Variants in CABLES2 observed in about 807,000 individuals in gnomAD.
CABLES2 encodes Cdk5 and Abl enzyme substrate 2, also known as CDK5 and ABL1 enzyme substrate 2.
CABLES2 carries 35 observed loss-of-function variants against 44.8 expected under a neutral mutation model. The observed-to-expected ratio is 0.78, with a 90% confidence interval of 0.60 to 1.04. The LOEUF is 1.04. CABLES2 is among the 50% of genes least tolerant of loss of function. CABLES2 has a pLI of 0.00. For synonymous variants in CABLES2, 282 were observed against 281.1 expected (o/e 1.00, Z -0.03); for missense variants, 566 against 615.7 (o/e 0.92, Z 0.85).
chr20:62,396,679 G>A lies in CABLES2; in HGVS notation c.363-87C>T, dbSNP rs1988027896. On this transcript the variant is annotated intron_variant, in intron 1 of 9. Transcript: ENST00000279101. This position sits in a 1 kb window ranked among gnomAD's most constrained non-coding sequence, Gnocchi z 5.7. ...GAAACCGAGTGCCGCCCGCTGTGCA[G>A]GGAAGGGCCACTCTCCAGCCCAGCG... is the stretch of plus-strand genomic sequence containing the variant. 1.5e-6 allele frequency: 2 copies of A among 1,366,698 alleles called. No homozygotes were observed. Among genetic ancestry groups the A allele is most frequent in the Admixed American group, 3.9e-5 (2 of 50,792 alleles). 84.7% of individuals were successfully genotyped at this position (1,366,698 alleles called of 1,614,324 possible).
chr20:62,394,101 C>A lies in CABLES2; in HGVS notation c.714+56G>T. Reference sequence around the variant, plus strand: ...GTGGGCACTGACGTGGGACTGCTCCCACCCGCCTGCCTGGCCCTGACGGCG... The same window carrying A: ...GTGGGCACTGACGTGGGACTGCTCCAACCCGCCTGCCTGGCCCTGACGGCG... On this transcript the variant is annotated intron_variant, in intron 5 of 9. Coordinates refer to ENST00000279101, the MANE Select transcript of CABLES2 (RefSeq NM_031215.3). The A allele has an allele frequency of 2.1e-6, 3 of 1,414,356 alleles. No homozygotes were observed. The South Asian group carries it at 3.4e-5, about 16-fold the overall frequency. The allele number at this position is 1,414,356 out of a possible 1,614,324, so 87.6% of individuals were successfully genotyped here. A position where few individuals can be genotyped will look rare whatever the true frequency, so the allele number is the denominator to read the frequency against.
chr20:62,396,387 G>A lies in CABLES2; in HGVS notation c.455C>T (p.Ser152Leu). ...PAQRTKHTSG[S>L]PRHKGLKKTH... ...CTTCTTCAGGCCTTTATGTCTCGGT[G>A]ATCCAGATGTGTGTTTGGTTCTGCA... Residue 152 changes from serine (S) to leucine (L), a missense_variant, in exon 3 of 10, where the codon TCA becomes TTA. This residue lies in a region of CABLES2 where 436 missense variants were observed against 536.3 expected (regional missense o/e 0.81). Coordinates refer to ENST00000279101, the MANE Select transcript of CABLES2 (RefSeq NM_031215.3). The surrounding 1 kb of genome is among the most constrained non-coding windows in gnomAD (Gnocchi z 5.7). 6.2e-7 allele frequency: 1 copy of A among 1,614,030 alleles called. No homozygotes were observed. The highest frequency in any genetic ancestry group is 8.5e-7 in the Non-Finnish European group (1 of 1,179,986).
At chr20:62,394,307 A>C in intron 4 of CABLES2, 42 bp from the exon 5 acceptor site, 1 of 1,542,556 alleles carries the variant, frequency 6.5e-7, no homozygotes, top group Non-Finnish European at 8.9e-7. Flanking sequence ...TCTGCGCTGA[A>C]CTCAGGCTCT....
chr20:62,397,938 A>ATGGTGG (rs1555890674), intron 1 of CABLES2, among the ~76,000 whole-genome samples: 6 of 63,622 alleles, frequency 9.4e-5, no homozygotes, highest in East Asian at 5.6e-4. Flanking sequence ...GGTGGTGGTG[A>ATGGTGG]TGGTGGTGAC....
chr20:62,398,859 G>A (rs551895614), intron 1 of CABLES2, among the ~76,000 whole-genome samples: 3 of 152,390 alleles, frequency 2.0e-5, no homozygotes, highest in South Asian at 4.1e-4. Context: ...CAAGTGGTAC[G>A]GAGAGGCCTG....
Position 62,391,254 on chromosome 20 carries a change from T to A in CABLES2, c.1291A>T (p.Ile431Phe), listed in dbSNP as rs747757270. 6.2e-7 allele frequency: 1 copy of A among 1,607,266 alleles called. No individual in the cohort carries two copies. Among genetic ancestry groups the A allele is most frequent in the Admixed American group, 1.7e-5 (1 of 59,950 alleles). ...DLRKSGVTQL[I>F]DKLEERFRFN... ...CTGCCGAGCCGGGCACTCACATCGA[T>A]GAGCTGCGTCACGCCGCTCTTGCGC... Residue 431 changes from isoleucine to phenylalanine, a missense_variant, in exon 9 of 10, where the codon ATC becomes TTC. Physicochemically the swap from Ile to Phe is conservative, Grantham distance 21. Coordinates refer to ENST00000279101, the MANE Select transcript of CABLES2 (RefSeq NM_031215.3). The surrounding 1 kb of genome is among the most constrained non-coding windows in gnomAD (Gnocchi z 5.7).
At chr20:62,398,095 T>G (rs1202413387) in intron 1 of CABLES2, among the ~76,000 whole-genome samples, 1 of 136,466 alleles carries the variant, frequency 7.3e-6, no homozygotes, top group Non-Finnish European at 1.6e-5. Flanking sequence ...GTGACGGTGG[T>G]GGTGGTGGTG....
At chr20:62,398,004 A>ACGG (rs1555890716) in intron 1 of CABLES2, among the ~76,000 whole-genome samples, 4 of 62,208 alleles carry the variant, frequency 6.4e-5, no homozygotes, top group African/African-American at 1.5e-4. Flanking sequence ...GATGATGGTG[A>ACGG]TGGTTATGGC....
chr20:62,400,749 G>C (rs1988173842), intron 1 of CABLES2, among the ~76,000 whole-genome samples: 1 of 152,218 alleles, frequency 6.6e-6, no homozygotes, highest in Non-Finnish European at 1.5e-5. Context: ...CCAGGACGCA[G>C]AGGAGCTGCA....
intron 1 of CABLES2, among the ~76,000 whole-genome samples, chr20:62,398,514 G>C (rs1401704742): frequency 2.6e-5 from 4 of 152,202 alleles, no homozygotes; most frequent in Admixed American, 2.0e-4. Context: ...TCCGGGCCAA[G>C]GGCAGGTGTA....
intron 4 of CABLES2, 112 bp from the exon 5 acceptor site, chr20:62,394,377 C>A (rs1368806096): frequency 7.7e-6 from 6 of 778,850 alleles, no homozygotes; most frequent in South Asian, 1.5e-5. Context: ...GTCAGCACAG[C>A]CCCTCGGGAA....
Position 62,396,558 on chromosome 20 carries a change from A to G in CABLES2, c.397T>C (p.Phe133Leu). The change falls in exon 2 of 10, where the codon TTT becomes CTT. Residue 133 changes from phenylalanine to leucine, a missense_variant. Phe to Leu is a conservative substitution (Grantham distance 22, BLOSUM62 0). Coordinates refer to ENST00000279101, the MANE Select transcript of CABLES2 (RefSeq NM_031215.3). This position sits in a 1 kb window ranked among gnomAD's most constrained non-coding sequence, Gnocchi z 5.7. ...RVTSQRCSLEFLEDAVGCAPA... is the reference protein window; with the variant it reads ...RVTSQRCSLELLEDAVGCAPA... The stretch of plus-strand genomic sequence containing the variant: ...GCGCATCCCACGGCATCTTCCAGAA[A>G]CTCCAGGGAGCAGCGCTGGGACGTG... 6.2e-7 allele frequency: 1 copy of G among 1,612,230 alleles called. No homozygotes were observed. The highest frequency in any genetic ancestry group is 1.3e-5 in the African/African-American group (1 of 74,456).
At chr20:62,406,682 ACAG>A (rs1473907751) in intron 1 of CABLES2, among the ~76,000 whole-genome samples, 1 of 40,750 alleles carries the variant, frequency 2.5e-5, no homozygotes, top group Non-Finnish European at 4.9e-5. Context: ...TCCTGGGTTG[ACAG>A]GGGCTCAGGT....
Position 62,390,234 on chromosome 20 carries a change from T to C in CABLES2, c.*737A>G, listed in dbSNP as rs1374248579. 3.3e-5 allele frequency: 5 copies of C among 152,540 alleles called. No homozygotes were observed. Among genetic ancestry groups the C allele is most frequent in the Non-Finnish European group, 5.9e-5 (4 of 68,070 alleles). 9.4% of individuals were successfully genotyped at this position (152,540 alleles called of 1,614,324 possible). On this transcript the variant is annotated 3_prime_UTR_variant, in exon 10 of 10. Coordinates refer to ENST00000279101, the MANE Select transcript of CABLES2 (RefSeq NM_031215.3). ...GGATGGGCAGCTGTCTGTTGTGCCG[T>C]CGGTCTGTAGGACACAGGGGCGTTA...
rs1462335330 is a variant in CABLES2 at position 62,388,680 on chromosome 20, CAG to C, written c.*2289_*2290del. 6 of 595,910 alleles carry C rather than the reference CAG, an allele frequency of 1.0e-5. No individual in the cohort carries two copies. Among genetic ancestry groups the C allele is most frequent in the African/African-American group, 5.6e-5 (3 of 53,750 alleles). The allele number at this position is 595,910 out of a possible 1,614,324, so 36.9% of individuals were successfully genotyped here. A position where few individuals can be genotyped will look rare whatever the true frequency, so the allele number is the denominator to read the frequency against. ...GACAAATACATTATCCATTTAAAAA[CAG>C]ATATCTAAGACAAAATAACTCAAAC... On this transcript the variant is annotated 3_prime_UTR_variant, in exon 10 of 10. Transcript: ENST00000279101.
intron 7 of CABLES2, 152 bp from the exon 8 acceptor site, chr20:62,392,647 C>T: frequency 1.5e-6 from 1 of 680,736 alleles, no homozygotes. Flanking sequence ...CAAAATGGCT[C>T]AAGAGAGAGA....
At chr20:62,398,255 G>A (rs1202334358) in intron 1 of CABLES2, among the ~76,000 whole-genome samples, 5 of 137,540 alleles carry the variant, frequency 3.6e-5, no homozygotes, top group East Asian at 2.1e-4. Flanking sequence ...GGTGATGGTG[G>A]TGGTGATGGT....
chr20:62,391,159 A>C lies in CABLES2; in HGVS notation c.1297-48T>G, dbSNP rs1213335583. 6.2e-7 allele frequency: 1 copy of C among 1,607,142 alleles called. No homozygotes were observed. Among genetic ancestry groups the C allele is most frequent in the Non-Finnish European group, 8.5e-7 (1 of 1,174,538 alleles). On this transcript the variant is annotated intron_variant, in intron 9 of 9. Transcript: ENST00000279101. This position sits in a 1 kb window ranked among gnomAD's most constrained non-coding sequence, Gnocchi z 5.7. ...GTTACACGGGAGCCTTCCCTCTTCC[A>C]CATTTCCCACCCGGCCAGCCCCATC...
intron 1 of CABLES2, among the ~76,000 whole-genome samples, chr20:62,398,048 G>GGTGGTGGTGACA (rs1988075513): frequency 1.3e-5 from 2 of 149,638 alleles, no homozygotes; most frequent in South Asian, 2.1e-4. Context: ...TGGTGATGGT[G>GGTGGTGGTGACA]GTGATGGCGA....
Sources: allele counts gnomAD v4.1 joint callset (sites outside exome capture counted in the v4.1 genomes callset), GRCh38; gene constraint gnomAD v4.1.1; regional missense constraint gnomAD v4.1.1; non-coding constraint Gnocchi (gnomAD v3.1); transcripts MANE v1.5; gene names NCBI Gene and HGNC (gene_info 2026-07-23, HGNC 2026-07-21).